The following MACROD2 variants were observed in gnomAD, a reference collection of about 807,000 sequenced individuals.
MACROD2 encodes the protein ADP-ribose glycohydrolase MACROD2.
In MACROD2, 36 loss-of-function variants were observed where a neutral mutation model predicts 70.4. The observed-to-expected ratio is 0.51, with a 90% CI of 0.39 to 0.68. The LOEUF is 0.68. MACROD2 is among the 30% of genes least tolerant of loss of function. The pLI, the probability that MACROD2 is intolerant of heterozygous loss-of-function variation, is 0.00. For missense variants in MACROD2, 496 were observed against 538.4 expected (o/e 0.92, Z 0.78); for synonymous variants, 172 against 178.8 (o/e 0.96, Z 0.30).
At chr20:14,810,940 G>A (rs1038799799) in intron 5 of MACROD2, among the ~76,000 whole-genome samples, 7 of 151,960 alleles carry the variant, frequency 4.6e-5, no homozygotes, top group African/African-American at 1.7e-4. Flanking sequence ...AATAAGAGAG[G>A]ACACAAACAA....
At chr20:15,809,776 C>G (rs2063800792) in intron 8 of MACROD2, among the ~76,000 whole-genome samples, 1 of 151,944 alleles carries the variant, frequency 6.6e-6, no homozygotes, top group Admixed American at 6.6e-5. Flanking sequence ...GCCTGGAACT[C>G]TCTCTTAAAG....
At chr20:15,322,069 G>A (rs2077879402) in intron 6 of MACROD2, among the ~76,000 whole-genome samples, 1 of 143,944 alleles carries the variant, frequency 6.9e-6, no homozygotes, top group East Asian at 2.0e-4. Flanking sequence ...GGGATTACAG[G>A]CATGAGCCAC....
intron 4 of MACROD2, among the ~76,000 whole-genome samples, chr20:14,589,283 C>T (rs1981599766): frequency 6.6e-6 from 1 of 152,054 alleles, no homozygotes; most frequent in Non-Finnish European, 1.5e-5. Context: ...AATCGCTATT[C>T]TTTTAAAATG....
At chr20:15,234,862 A>G (rs957203926) in intron 6 of MACROD2, among the ~76,000 whole-genome samples, 3 of 152,230 alleles carry the variant, frequency 2.0e-5, no homozygotes, top group South Asian at 4.1e-4. Flanking sequence ...GAGAGGATAC[A>G]TAGATATTTT....
At chr20:14,484,373 T>C (rs1345788393) in intron 3 of MACROD2, among the ~76,000 whole-genome samples, 4 of 152,156 alleles carry the variant, frequency 2.6e-5, no homozygotes, top group African/African-American at 9.7e-5. Context: ...GCATGCAGTG[T>C]GTAATAATCC....
At chr20:14,085,292 T>C (rs2054063509) in intron 2 of MACROD2, among the ~76,000 whole-genome samples, 1 of 152,178 alleles carries the variant, frequency 6.6e-6, no homozygotes, top group Non-Finnish European at 1.5e-5. Flanking sequence ...TACATCTTTT[T>C]CTTACCTCCT....
chr20:14,683,555 T>C (rs1041517769), intron 4 of MACROD2, among the ~76,000 whole-genome samples: 2 of 152,128 alleles, frequency 1.3e-5, no homozygotes, highest in African/African-American at 2.4e-5. Context: ...AGTGGTGAAG[T>C]AATAAAGCCC....
intron 8 of MACROD2, among the ~76,000 whole-genome samples, chr20:15,836,811 TTTCAAGGAAGCAA>T (rs1227491413): frequency 2.0e-5 from 3 of 152,096 alleles, no homozygotes; most frequent in Admixed American, 2.0e-4. Context: ...CCTCAAGAGT[TTTCAAGGAAGCAA>T]TATGGGTCTA....
At chr20:14,469,241 T>C (rs2084497681) in intron 3 of MACROD2, among the ~76,000 whole-genome samples, 1 of 152,184 alleles carries the variant, frequency 6.6e-6, no homozygotes, top group Non-Finnish European at 1.5e-5. Flanking sequence ...TCTTTAAGAA[T>C]GTTGAATATT....
At chr20:14,231,656 G>A (rs1477487127) in intron 3 of MACROD2, among the ~76,000 whole-genome samples, 1 of 152,174 alleles carries the variant, frequency 6.6e-6, no homozygotes, top group Non-Finnish European at 1.5e-5. Flanking sequence ...TATATACCCA[G>A]TAATGGGATG....
intron 15 of MACROD2, among the ~76,000 whole-genome samples, chr20:15,992,615 C>G (rs1368093597): frequency 1.3e-5 from 2 of 152,198 alleles, no homozygotes; most frequent in Admixed American, 1.3e-4. Context: ...ACCATCTCTT[C>G]TAAGTCTCCA....
chr20:15,573,436 T>C (rs2048401865), intron 8 of MACROD2, among the ~76,000 whole-genome samples: 1 of 152,146 alleles, frequency 6.6e-6, no homozygotes, highest in African/African-American at 2.4e-5. Context: ...GAATATTTCA[T>C]AGGAAAATCA....
At chr20:15,770,089 CT>C (rs1156897064) in intron 8 of MACROD2, among the ~76,000 whole-genome samples, 865 of 44,368 alleles carry the variant, frequency 0.019, 8 homozygotes, top group African/African-American at 0.048. Context: ...TTTTAATTTT[CT>C]TTTTTTTTTT....
At chr20:14,345,194 T>G (rs898134238) in intron 3 of MACROD2, among the ~76,000 whole-genome samples, 1 of 152,210 alleles carries the variant, frequency 6.6e-6, no homozygotes, top group Non-Finnish European at 1.5e-5. Context: ...TCTAGGATTT[T>G]AAGTGCATTA....
At chr20:14,435,887 G>C (rs945138438) in intron 3 of MACROD2, among the ~76,000 whole-genome samples, 5 of 151,848 alleles carry the variant, frequency 3.3e-5, no homozygotes, top group African/African-American at 1.2e-4. Context: ...TTGTATTTTT[G>C]GTAGAAACGG....
intron 3 of MACROD2, among the ~76,000 whole-genome samples, chr20:14,340,552 G>A (rs1429728553): frequency 4.7e-5 from 2 of 42,866 alleles, no homozygotes; most frequent in African/African-American, 1.6e-4. Context: ...AAATGGAAGT[G>A]GAAAAGAGGA....
At chr20:15,619,641 T>C (rs991400762) in intron 8 of MACROD2, 2 of 401,642 alleles carry the variant, frequency 5.0e-6, no homozygotes, top group Non-Finnish European at 8.9e-6. Flanking sequence ...TGTAGTCTCC[T>C]GAGGCAAAGT....
chr20:15,769,298 C>T (rs991915817), intron 8 of MACROD2, among the ~76,000 whole-genome samples: 1 of 152,112 alleles, frequency 6.6e-6, no homozygotes, highest in Admixed American at 6.5e-5. Flanking sequence ...CAGGCGTGCG[C>T]CACCACGCCC....
At chr20:14,422,988 C>T (rs550273234) in intron 3 of MACROD2, among the ~76,000 whole-genome samples, 3 of 152,156 alleles carry the variant, frequency 2.0e-5, no homozygotes, top group Non-Finnish European at 4.4e-5. Context: ...TCAGCCCCGC[C>T]CACACTTTTA....
Sources: gnomAD v4.1 joint callset for allele counts (sites outside exome capture counted in the v4.1 genomes callset) on GRCh38, gnomAD v4.1.1 for gene constraint, MANE v1.5 for transcripts, NCBI Gene and HGNC (gene_info 2026-07-23, HGNC 2026-07-21) for gene names.